CHD6: variants seen among roughly 807,000 people sequenced by gnomAD.
CHD6 encodes the protein chromodomain helicase DNA binding protein 6.
A neutral mutation model predicts 276.9 loss-of-function variants in CHD6; 50 were observed. The ratio of observed to expected loss-of-function variants is 0.18; its 90% CI spans 0.14 to 0.23. The LOEUF is 0.23. Among genes scored for constraint, CHD6 ranks in the 10% least tolerant of loss-of-function variants. The probability of loss-of-function intolerance (pLI) is 1.00; values close to 1 mark genes in which losing one functional copy is unlikely to be tolerated. For synonymous variants in CHD6, 1,173 were observed against 1,229.3 expected (o/e 0.95, Z 0.96); for missense variants, 2,564 against 3,365.8 (o/e 0.76, Z 5.89).
intron 1 of CHD6, among the ~76,000 whole-genome samples, chr20:41,599,576 G>A (rs998403777): frequency 5.9e-5 from 9 of 151,776 alleles, no homozygotes; most frequent in African/African-American, 9.7e-5. Context: ...CTCCCTACTC[G>A]GATAAGTTCC....
Position 41,416,578 on chromosome 20 carries a change from G to C in CHD6, c.6486+10C>G. ...TTTGTTTTGTGGTCACTCCATTCTT[G>C]CCGGCTCACCTTGTGGATCTGGGCC... is the stretch of plus-strand genomic sequence containing the variant. On this transcript the variant is annotated intron_variant, in intron 33 of 36. Transcript: ENST00000373233. 6.2e-7 allele frequency: 1 copy of C among 1,606,546 alleles called. No homozygotes were observed. The highest frequency in any genetic ancestry group is 8.5e-7 in the Non-Finnish European group (1 of 1,176,496).
intron 11 of CHD6, among the ~76,000 whole-genome samples, chr20:41,490,298 G>A (rs1188016790): frequency 6.6e-6 from 1 of 152,092 alleles, no homozygotes; most frequent in African/African-American, 2.4e-5. Context: ...GTTTCATTGT[G>A]GGAACATCAT....
intron 3 of CHD6, among the ~76,000 whole-genome samples, chr20:41,515,358 C>T (rs967082): frequency 0.38 from 57,265 of 151,964 alleles, 13,415 homozygotes; most frequent in African/African-American, 0.64. Context: ...ATTGAGTACA[C>T]GCTGGACCTG....
chr20:41,595,853 T>C (rs964416269), intron 1 of CHD6, among the ~76,000 whole-genome samples: 6 of 151,976 alleles, frequency 3.9e-5, no homozygotes, highest in African/African-American at 1.2e-4. Context: ...CAACTTCTAA[T>C]AGAATATGTC....
chr20:41,498,779 GTGTATGTATGTA>G lies in CHD6; in HGVS notation c.915+504_915+515del, dbSNP rs755113036. On this transcript the variant is annotated intron_variant, in intron 6 of 36. Coordinates refer to ENST00000373233, the MANE Select transcript of CHD6 (RefSeq NM_032221.5). ...TTAGGACTCATATGGGTGTGTATGT[GTGTATGTATGTA>G]TGTATGTATGTATGTATGTATGTGT... is the stretch of plus-strand genomic sequence containing the variant. 7.6e-4 allele frequency among the ~76,000 whole-genome samples: 111 copies of G among 145,738 alleles called. 1 individual carries two copies. The highest frequency in any genetic ancestry group is 1.7e-3 in the African/African-American group (66 of 38,994).
Position 41,423,184 on chromosome 20 carries a change from TA to T in CHD6, c.4555+307del, listed in dbSNP as rs1050080649. ...GAGTAGGATAAATCTGAACATGACT[TA>T]AAAAAAACCATGACTTTAAAAAAAC... On this transcript the variant is annotated intron_variant, in intron 30 of 36. Coordinates refer to ENST00000373233, the MANE Select transcript of CHD6 (RefSeq NM_032221.5). Among the ~76,000 whole-genome samples, 10 of 152,136 alleles carry T rather than the reference TA, an allele frequency of 6.6e-5. 1 individual carries two copies. The highest frequency in any genetic ancestry group is 2.4e-4 in the African/African-American group (10 of 41,518).
intron 1 of CHD6, among the ~76,000 whole-genome samples, chr20:41,606,327 C>T (rs1024143440): frequency 2.6e-5 from 4 of 152,014 alleles, no homozygotes; most frequent in Non-Finnish European, 5.9e-5. Flanking sequence ...CTGGCTAACA[C>T]GGTGAAACCC....
At chr20:41,606,391 G>A (rs938484098) in intron 1 of CHD6, among the ~76,000 whole-genome samples, 2 of 152,238 alleles carry the variant, frequency 1.3e-5, no homozygotes, top group African/African-American at 2.4e-5. Flanking sequence ...GCGGGTGCCT[G>A]TAGTTCCAGC....
chr20:41,479,117 T>C (rs1219167087), intron 16 of CHD6, among the ~76,000 whole-genome samples: 2 of 151,830 alleles, frequency 1.3e-5, no homozygotes, highest in African/African-American at 2.4e-5. Flanking sequence ...TAAAGAAAAG[T>C]CAGTGAACTT....
chr20:41,545,688 A>G (rs567024859), intron 2 of CHD6, among the ~76,000 whole-genome samples: 1 of 152,258 alleles, frequency 6.6e-6, no homozygotes, highest in Admixed American at 6.5e-5. Context: ...TCTGGGACCA[A>G]TTCTTTTGGG....
rs1395686084 is a variant in CHD6 at position 41,562,030 on chromosome 20, C to T, written c.-23-10670G>A. On this transcript the variant is annotated intron_variant, in intron 1 of 36. Coordinates refer to ENST00000373233, the MANE Select transcript of CHD6 (RefSeq NM_032221.5). ...TTCATAATTCCCTCCCTATTGTTTTCTTTTAATGGAACTCATGTTACTATT... is the reference window on the plus strand; with the variant it reads ...TTCATAATTCCCTCCCTATTGTTTTTTTTTAATGGAACTCATGTTACTATT... Among the ~76,000 whole-genome samples the T allele has an allele frequency of 4.0e-5, 6 of 151,436 alleles. No individual in the cohort carries two copies. In the East Asian group the frequency reaches 1.2e-3, roughly 29 times the overall value.
chr20:41,600,289 C>T (rs560903265), intron 1 of CHD6, among the ~76,000 whole-genome samples: 38 of 152,202 alleles, frequency 2.5e-4, no homozygotes, highest in Non-Finnish European at 5.3e-4. Context: ...TGCCTCCCAA[C>T]AATTTGAATC....
At chr20:41,558,330 A>G (rs745518040) in intron 1 of CHD6, among the ~76,000 whole-genome samples, 6 of 152,198 alleles carry the variant, frequency 3.9e-5, no homozygotes, top group Non-Finnish European at 5.9e-5. Flanking sequence ...AATGCTGACA[A>G]CATGTGCCTC....
chr20:41,540,923 A>G (rs1169572002), intron 2 of CHD6, among the ~76,000 whole-genome samples: 1 of 152,150 alleles, frequency 6.6e-6, no homozygotes, highest in Non-Finnish European at 1.5e-5. Flanking sequence ...TCAGGTAGCT[A>G]AAGTTATTTC....
At chr20:41,463,236 T>C (rs1262785429) in intron 17 of CHD6, among the ~76,000 whole-genome samples, 10 of 152,300 alleles carry the variant, frequency 6.6e-5, no homozygotes, top group Middle Eastern at 3.4e-3. Flanking sequence ...CTCTTCCTTA[T>C]AGTAGAATGC....
chr20:41,466,270 A>G (rs2042918106), intron 17 of CHD6, among the ~76,000 whole-genome samples: 1 of 152,184 alleles, frequency 6.6e-6, no homozygotes, highest in Admixed American at 6.6e-5. Flanking sequence ...GGACAGACAA[A>G]GACACACAGC....
At chr20:41,497,763 A>G in intron 7 of CHD6, 1 of 507,516 alleles carries the variant, frequency 2.0e-6, no homozygotes, top group East Asian at 3.5e-5. Flanking sequence ...AGCTGTGGGC[A>G]GGTTATCATT....
intron 32 of CHD6, 44 bp from the exon 33 acceptor site, chr20:41,416,838 C>A: frequency 7.0e-7 from 1 of 1,429,610 alleles, no homozygotes; most frequent in Non-Finnish European, 9.3e-7. Context: ...ATCGAGTTAC[C>A]TAAATTCACA....
intron 16 of CHD6, among the ~76,000 whole-genome samples, chr20:41,476,588 T>C (rs1208396846): frequency 6.6e-6 from 1 of 152,100 alleles, no homozygotes; most frequent in Non-Finnish European, 1.5e-5. Flanking sequence ...AGGATTTAAT[T>C]CAGTAAGAAA....
Sources: gnomAD v4.1 joint callset for allele counts (sites outside exome capture counted in the v4.1 genomes callset) on GRCh38, gnomAD v4.1.1 for gene constraint, MANE v1.5 for transcripts, NCBI Gene and HGNC (gene_info 2026-07-23, HGNC 2026-07-21) for gene names.